LRRC49: variants seen among roughly 807,000 people sequenced by gnomAD.
LRRC49 encodes leucine-rich repeat-containing protein 49.
A neutral mutation model predicts 83.3 loss-of-function variants in LRRC49; 50 were observed. The observed-to-expected ratio is 0.60, with a 90% CI of 0.48 to 0.76. LRRC49 has a LOEUF of 0.76. Ranked by LOEUF, LRRC49 falls within the 30% of genes least tolerant of loss-of-function variation. The probability of loss-of-function intolerance (pLI) is 0.00; values close to 1 mark genes in which losing one functional copy is unlikely to be tolerated. For missense variants in LRRC49, 704 were observed against 809.1 expected (o/e 0.87, Z 1.58); for synonymous variants, 286 against 283.3 (o/e 1.01, Z -0.10).
intron 14 of LRRC49, among the ~76,000 whole-genome samples, chr15:71,032,697 T>G (rs1596164245): frequency 6.6e-6 from 1 of 152,222 alleles, no homozygotes; most frequent in South Asian, 2.1e-4. Context: ...GGATGCAAGG[T>G]TGGTTCAACA....
intron 11 of LRRC49, among the ~76,000 whole-genome samples, chr15:70,987,168 T>A (rs2037657833): frequency 6.6e-6 from 1 of 152,320 alleles, no homozygotes; most frequent in South Asian, 2.1e-4. Context: ...TTAGGGAGGA[T>A]TCCCTCTTTT....
Position 70,904,681 on chromosome 15 carries a change from T to C in LRRC49, c.426T>C (p.Tyr142=), listed in dbSNP as rs139952015. The C allele has an allele frequency of 6.2e-7, 1 of 1,613,630 alleles. No individual in the cohort carries two copies. The highest frequency in any genetic ancestry group is 8.5e-7 in the Non-Finnish European group (1 of 1,179,572). The part of the protein sequence containing the change: ...NLQKLISLDL[Y]DNQIEEISGL... ...AGAAGTTAATATCGTTGGATTTATA[T>C]GATAACCAGATTGAAGAAATTAGTG... Residue 142 remains tyrosine, a synonymous_variant, in exon 5 of 16, where the codon TAT becomes TAC. Coordinates refer to ENST00000260382, the MANE Select transcript of LRRC49 (RefSeq NM_017691.5).
intron 14 of LRRC49, among the ~76,000 whole-genome samples, chr15:71,024,030 C>T (rs1292812475): frequency 6.6e-6 from 1 of 152,100 alleles, no homozygotes; most frequent in South Asian, 2.1e-4. Context: ...ACTGCAGTAA[C>T]CCATCCCTGC....
In LRRC49 at chr15:71,051,934, C is replaced by G. The variant is rs2039999919; in HGVS notation, c.*2322C>G. On this transcript the variant is annotated 3_prime_UTR_variant, in exon 16 of 16. Transcript: ENST00000260382. The stretch of plus-strand genomic sequence containing the variant: ...CTACCTGAGTTCCCTTTCGCTCCTA[C>G]CTGCTCCCACTACCCCATACTGATT... 1 of 152,512 alleles carries G rather than the reference C, an allele frequency of 6.6e-6. No homozygotes were observed. Among genetic ancestry groups the G allele is most frequent in the Non-Finnish European group, 1.5e-5 (1 of 68,268 alleles). 9.4% of individuals were successfully genotyped at this position (152,512 alleles called of 1,614,324 possible). A position where few individuals can be genotyped will look rare whatever the true frequency, so the allele number is the denominator to read the frequency against.
intron 2 of LRRC49, among the ~76,000 whole-genome samples, chr15:70,880,623 G>T (rs559078218): frequency 6.6e-6 from 1 of 152,222 alleles, no homozygotes; most frequent in East Asian, 1.9e-4. Context: ...TCCTTTTACT[G>T]TGAAGGGCAG....
intron 15 of LRRC49, among the ~76,000 whole-genome samples, chr15:71,047,369 T>G (rs1451299400): frequency 1.3e-5 from 2 of 152,222 alleles, no homozygotes; most frequent in Non-Finnish European, 2.9e-5. Flanking sequence ...CTTTCAGCAG[T>G]ATTTTGTAGT....
At position 70,892,884 on chromosome 15, in the gene LRRC49, T is replaced by C; in HGVS notation, c.-11T>C. 1 of 1,614,214 alleles carries C rather than the reference T, an allele frequency of 6.2e-7. No individual in the cohort carries two copies. Among genetic ancestry groups the C allele is most frequent in the Non-Finnish European group, 8.5e-7 (1 of 1,180,030 alleles). On this transcript the variant is annotated 5_prime_UTR_variant, in exon 1 of 16. Transcript: ENST00000260382. ...GGCAGATCTAACAGAGAACCTGGAC[T>C]GTCTCCTATCATGATTCCCGGGAAA...
chr15:71,041,566 T>C (rs1179388002), intron 15 of LRRC49, among the ~76,000 whole-genome samples: 1 of 152,082 alleles, frequency 6.6e-6, no homozygotes, highest in Admixed American at 6.6e-5. Context: ...ATAATAAATA[T>C]GCAGGATCTA....
chr15:71,033,835 A>G (rs957319775), intron 14 of LRRC49, among the ~76,000 whole-genome samples: 1 of 152,194 alleles, frequency 6.6e-6, no homozygotes, highest in Admixed American at 6.5e-5. Flanking sequence ...GGCTAGCCAT[A>G]TGCAGAAAAT....
Position 70,919,198 on chromosome 15 carries a change from G to C in LRRC49, c.711+5G>C. The C allele has an allele frequency of 1.2e-6, 2 of 1,604,600 alleles. No individual in the cohort carries two copies. Among genetic ancestry groups the C allele is most frequent in the South Asian group, 1.1e-5 (1 of 88,788 alleles). ...CACAATCAAATCACTTTCGTGGTGA[G>C]TATTAAAATGGAGTTGATATGTACT... On this transcript the variant is annotated splice_donor_5th_base_variant and intron_variant, in intron 7 of 15. Coordinates refer to ENST00000260382, the MANE Select transcript of LRRC49 (RefSeq NM_017691.5).
Position 71,009,865 on chromosome 15 carries a change from A to T in LRRC49, c.1466A>T (p.Gln489Leu), listed in dbSNP as rs775068805. Residue 489 changes from glutamine (Q) to leucine (L), a missense_variant, in exon 13 of 16, where the codon CAA becomes CTA. This residue lies in a region of LRRC49 where 275 missense variants were observed against 338.0 expected (regional missense o/e 0.81). Transcript: ENST00000260382. ...CTGCAGCAATTTAACGCACTAGCCC[A>T]ACTCCGTCGTATTGACCAGTTGACA... ...VMLQQFNALA[Q>L]LRRIDQLTID... 2 of 1,612,682 alleles carry T rather than the reference A, an allele frequency of 1.2e-6. No homozygotes were observed. Among genetic ancestry groups the T allele is most frequent in the Non-Finnish European group, 8.5e-7 (1 of 1,178,992 alleles).
At chr15:70,874,941 T>C (rs1567032474) in intron 2 of LRRC49, among the ~76,000 whole-genome samples, 1 of 152,212 alleles carries the variant, frequency 6.6e-6, no homozygotes. Flanking sequence ...CAGGATTGTT[T>C]GAGTTTGATC....
At chr15:70,909,877 CAA>C (rs1370284844) in intron 5 of LRRC49, among the ~76,000 whole-genome samples, 4 of 150,308 alleles carry the variant, frequency 2.7e-5, no homozygotes, top group Non-Finnish European at 5.9e-5. Flanking sequence ...CACACACACA[CAA>C]AACAAACAAA....
chr15:70,981,697 C>T (rs1241496346), intron 10 of LRRC49, among the ~76,000 whole-genome samples: 1 of 151,884 alleles, frequency 6.6e-6, no homozygotes, highest in Non-Finnish European at 1.5e-5. Context: ...ACTCAAATGG[C>T]AGAAACTGGA....
intron 11 of LRRC49, among the ~76,000 whole-genome samples, chr15:70,989,284 T>C (rs2037764188): frequency 6.6e-6 from 1 of 152,228 alleles, no homozygotes; most frequent in Non-Finnish European, 1.5e-5. Flanking sequence ...CAATCAGACG[T>C]AGATTTGGTC....
intron 13 of LRRC49, among the ~76,000 whole-genome samples, chr15:71,011,235 G>T (rs1283814020): frequency 6.6e-6 from 1 of 152,028 alleles, no homozygotes; most frequent in Admixed American, 6.6e-5. Context: ...TAGTCCTAAA[G>T]GTTTTCAAAG....
At chr15:70,859,149 A>G in intron 1 of LRRC49, 1 of 1,385,116 alleles carries the variant, frequency 7.2e-7, no homozygotes, top group Non-Finnish European at 1.0e-6. Flanking sequence ...TATATCAACA[A>G]CCTTAGGTGG....
Position 71,012,863 on chromosome 15 carries a change from A to G in LRRC49, c.1653A>G (p.Ala551=), listed in dbSNP as rs147275067. The change falls in exon 14 of 16, where the codon GCA becomes GCG. Residue 551 remains alanine, a synonymous_variant. Transcript: ENST00000260382. ...TCTTTGGAATCCTAGCACATGTAGC[A>G]TCTTCTGAGTTACCCCAGTATCGTC... ...ERLFGILAHV[A]SSELPQYRLI... 6.0e-5 allele frequency: 96 copies of G among 1,613,378 alleles called. No homozygotes were observed. The African/African-American group carries it at 1.2e-3, about 20-fold the overall frequency.
chr15:70,872,080 C>T (rs1595971932), intron 1 of LRRC49, among the ~76,000 whole-genome samples: 3 of 152,332 alleles, frequency 2.0e-5, no homozygotes, highest in African/African-American at 4.8e-5. Flanking sequence ...GCCGAGATCA[C>T]GCCACTGCAC....
Sources: gnomAD v4.1 joint callset for allele counts (sites outside exome capture counted in the v4.1 genomes callset) on GRCh38, gnomAD v4.1.1 for gene constraint, gnomAD v4.1.1 regional missense constraint, MANE v1.5 for transcripts, NCBI Gene and HGNC (gene_info 2026-07-23, HGNC 2026-07-21) for gene names.